CAMSAP1: variants seen among roughly 807,000 people sequenced by gnomAD.
The protein encoded by CAMSAP1 is calmodulin regulated spectrin associated protein 1.
In CAMSAP1, 58 loss-of-function variants were observed where a neutral mutation model predicts 143.5. The ratio of observed to expected loss-of-function variants is 0.40; its 90% CI spans 0.33 to 0.50. The LOEUF (loss-of-function observed/expected upper bound fraction) is 0.50. Among genes scored for constraint, CAMSAP1 ranks in the 20% least tolerant of loss-of-function variants. The probability of loss-of-function intolerance (pLI) is 0.45; values close to 1 mark genes in which losing one functional copy is unlikely to be tolerated. For missense variants in CAMSAP1, 1,969 were observed against 2,115.7 expected (o/e 0.93, Z 1.36); for synonymous variants, 945 against 859.3 (o/e 1.10, Z -1.74).
At chr9:135,843,359 T>C (rs370002419) in intron 7 of CAMSAP1, among the ~76,000 whole-genome samples, 7 of 151,928 alleles carry the variant, frequency 4.6e-5, no homozygotes, top group African/African-American at 1.7e-4. Context: ...AGACTGCAAA[T>C]TGGATAAAGA....
rs116346164 is a variant in CAMSAP1, at chr9:135,836,549, A to G, written c.1046-8965T>C. ...GCAGCCACACAGTCATGTACCTTCT[A>G]CCCCGTTCTACAGACACACATCACC... On this transcript the variant is annotated intron_variant, in intron 7 of 16. Transcript: ENST00000389532. The G allele has an allele frequency of 1.6e-3, 1,562 of 968,622 alleles. 18 individuals carry two copies. The African/African-American group carries it at 0.028, about 18-fold the overall frequency. 60.0% of individuals were successfully genotyped at this position (968,622 alleles called of 1,614,324 possible). A position where few individuals can be genotyped will look rare whatever the true frequency, so the allele number is the denominator to read the frequency against.
chr9:135,823,090 C>A lies in CAMSAP1; in HGVS notation c.1571G>T (p.Ser524Ile), dbSNP rs1221341360. Residue 524 changes from serine (S) to isoleucine (I), a missense_variant, in exon 11 of 17, where the codon AGC becomes ATC. Physicochemically the swap from Ser to Ile is moderately radical, Grantham distance 142. Coordinates refer to ENST00000389532, the MANE Select transcript of CAMSAP1 (RefSeq NM_015447.4). ...ATTGCTCAGGAGGCTCTTCCCGTGG[C>A]TCTTCGTGGCCGTGGGGTGTGGCTG... is the stretch of plus-strand genomic sequence containing the variant. ...QNQPHPTATK[S>I]HGKSLLSNVS... 6.2e-7 allele frequency: 1 copy of A among 1,614,048 alleles called. No homozygotes were observed. Among genetic ancestry groups the A allele is most frequent in the East Asian group, 2.2e-5 (1 of 44,876 alleles).
chr9:135,880,338 G>A (rs1321906141), intron 3 of CAMSAP1, among the ~76,000 whole-genome samples: 1 of 152,070 alleles, frequency 6.6e-6, no homozygotes, highest in African/African-American at 2.4e-5. Flanking sequence ...ACCAAGAGGC[G>A]TCCTCATGGG....
intron 1 of CAMSAP1, among the ~76,000 whole-genome samples, chr9:135,884,576 G>T (rs930256329): frequency 5.3e-5 from 8 of 152,226 alleles, no homozygotes; most frequent in Non-Finnish European, 7.3e-5. Context: ...AGGGCAGCCA[G>T]GGCTCCAGCT....
chr9:135,881,832 A>G (rs1338896412), intron 2 of CAMSAP1, 38 bp from the exon 3 acceptor site: 1 of 1,542,994 alleles, frequency 6.5e-7, no homozygotes, highest in Non-Finnish European at 8.8e-7. Flanking sequence ...CCTCAAACCC[A>G]CCCCTCTTAC....
intron 14 of CAMSAP1, among the ~76,000 whole-genome samples, chr9:135,817,244 C>A (rs1835262162): frequency 6.6e-6 from 1 of 152,202 alleles, no homozygotes. Context: ...TAACTGAGGA[C>A]AGCTGAATGG....
At position 135,817,953 on chromosome 9, in the gene CAMSAP1, C is replaced by G. The variant is rs772224784; in HGVS notation, c.4271+24G>C. 16 of 1,608,446 alleles carry G rather than the reference C, an allele frequency of 9.9e-6. No individual in the cohort carries two copies. The East Asian group carries it at 3.3e-4, about 34-fold the overall frequency. ...CTCCGAACGTCCTCCAGCCCCGTGCCGGCGGCCGTCTCAGGCCCCTTACCG... is the reference window on the plus strand; with the variant it reads ...CTCCGAACGTCCTCCAGCCCCGTGCGGGCGGCCGTCTCAGGCCCCTTACCG... On this transcript the variant is annotated intron_variant, in intron 14 of 16. Transcript: ENST00000389532.
At position 135,820,858 on chromosome 9, in the gene CAMSAP1, C is replaced by A. The variant is rs777078894; in HGVS notation, c.3803G>T (p.Gly1268Val). Residue 1268 changes from glycine to valine, a missense_variant, in exon 11 of 17, where the codon GGG (glycine) becomes GTG (valine). Physicochemically the swap from Gly to Val is moderately radical, Grantham distance 109. This residue lies in a region of CAMSAP1 where 1,390 missense variants were observed against 1,420.8 expected (regional missense o/e 0.98). Coordinates refer to ENST00000389532, the MANE Select transcript of CAMSAP1 (RefSeq NM_015447.4). This position sits in a 1 kb window ranked among gnomAD's most constrained non-coding sequence, Gnocchi z 4.4. ...CCTTACCTTGAAGAAGAAGCCGACC[C>A]CCGGCTTCTGGTCGCCTTCGCTGAC... is the stretch of plus-strand genomic sequence containing the variant. Reference protein sequence around the residue: ...DLVSEGDQKPGVGFFFKDEQK... With the variant: ...DLVSEGDQKPVVGFFFKDEQK... The A allele has an allele frequency of 6.2e-7, 1 of 1,613,270 alleles. No individual in the cohort carries two copies. The highest frequency in any genetic ancestry group is 1.1e-5 in the South Asian group (1 of 91,062).
intron 7 of CAMSAP1, among the ~76,000 whole-genome samples, chr9:135,829,028 C>T (rs1330085799): frequency 6.6e-6 from 1 of 152,234 alleles, no homozygotes; most frequent in African/African-American, 2.4e-5. Flanking sequence ...TTCATCACCA[C>T]TGCACCTGCC....
intron 5 of CAMSAP1, among the ~76,000 whole-genome samples, chr9:135,851,529 C>T (rs12004408): frequency 1.3e-5 from 2 of 152,212 alleles, no homozygotes; most frequent in East Asian, 1.9e-4. Context: ...ATAAAACAGC[C>T]GAAGTCATCT....
At position 135,883,152 on chromosome 9, in the gene CAMSAP1, A is replaced by C. The variant is rs561288362; in HGVS notation, c.161-74T>G. ...AGGAAGGAGTTCAAGGCTGCAGTGA[A>C]CTATGACTGTGCCACTGTACTCCAG... is the stretch of plus-strand genomic sequence containing the variant. On this transcript the variant is annotated intron_variant, in intron 1 of 16. Coordinates refer to ENST00000389532, the MANE Select transcript of CAMSAP1 (RefSeq NM_015447.4). 5.4e-6 allele frequency: 8 copies of C among 1,490,176 alleles called. No individual in the cohort carries two copies. In the East Asian group the frequency reaches 1.5e-4, roughly 28 times the overall value. 92.3% of individuals were successfully genotyped at this position (1,490,176 alleles called of 1,614,324 possible).
At chr9:135,904,716 C>A (rs1838718758) in intron 1 of CAMSAP1, among the ~76,000 whole-genome samples, 1 of 152,064 alleles carries the variant, frequency 6.6e-6, no homozygotes, top group South Asian at 2.1e-4. Context: ...CACCTGTAAT[C>A]CCAGCACTTT....
chr9:135,816,270 G>A (rs887272922), intron 14 of CAMSAP1, among the ~76,000 whole-genome samples: 4 of 152,308 alleles, frequency 2.6e-5, no homozygotes, highest in East Asian at 1.9e-4. Context: ...TCACCTCCAC[G>A]AAGCCCTTGC....
intron 4 of CAMSAP1, 29 bp from the exon 5 acceptor site, chr9:135,862,637 T>C (rs1391102825): frequency 6.4e-7 from 1 of 1,550,674 alleles, no homozygotes; most frequent in Non-Finnish European, 8.7e-7. Flanking sequence ...AAACGGTCTC[T>C]GCATGTGATG....
At chr9:135,873,979 T>C (rs1837650611) in intron 3 of CAMSAP1, among the ~76,000 whole-genome samples, 1 of 152,084 alleles carries the variant, frequency 6.6e-6, no homozygotes. Flanking sequence ...AACAATATAT[T>C]AGCAAATCGA....
In CAMSAP1 at chr9:135,881,690, A is replaced by G; in HGVS notation, c.528T>C (p.Ser176=). The part of the protein sequence containing the change: ...VASVKRFSTF[S]ASKELPYDLE... ...GGTCGTACGGAAGTTCTTTCGAGGC[A>G]CTGAACGTTGAGAAGCGCTTGACAC... The change falls in exon 3 of 17, where the codon AGT becomes AGC. Residue 176 remains serine, a synonymous_variant. Transcript: ENST00000389532. 6.4e-7 allele frequency: 1 copy of G among 1,551,798 alleles called. No homozygotes were observed. Among genetic ancestry groups the G allele is most frequent in the Non-Finnish European group, 8.7e-7 (1 of 1,147,016 alleles).
chr9:135,864,512 C>T (rs1837306383), intron 4 of CAMSAP1, among the ~76,000 whole-genome samples: 1 of 152,066 alleles, frequency 6.6e-6, no homozygotes, highest in South Asian at 2.1e-4. Flanking sequence ...AGGACACAGG[C>T]AGTTAATGGA....
Position 135,836,954 on chromosome 9 carries a change from CCACA to C in CAMSAP1, c.1046-9374_1046-9371del, listed in dbSNP as rs58020636. 9 of 981,750 alleles carry C rather than the reference CCACA, an allele frequency of 9.2e-6. No homozygotes were observed. The Admixed American group carries it at 3.1e-4, about 34-fold the overall frequency. 60.8% of individuals were successfully genotyped at this position (981,750 alleles called of 1,614,324 possible). Reference sequence around the variant, plus strand: ...CTACCCGTTCTACAGACACACGTCACCACACACTTTCTACCCATTCTACAGACAC... The same window carrying C: ...CTACCCGTTCTACAGACACACGTCACCACTTTCTACCCATTCTACAGACAC... On this transcript the variant is annotated intron_variant, in intron 7 of 16. Coordinates refer to ENST00000389532, the MANE Select transcript of CAMSAP1 (RefSeq NM_015447.4).
chr9:135,877,657 T>C (rs1837799805), intron 3 of CAMSAP1, among the ~76,000 whole-genome samples: 1 of 151,862 alleles, frequency 6.6e-6, no homozygotes, highest in South Asian at 2.1e-4. Flanking sequence ...AAAAAATTTT[T>C]TTTAATCAGC....
Sources: allele counts gnomAD v4.1 joint callset (sites outside exome capture counted in the v4.1 genomes callset), GRCh38; gene constraint gnomAD v4.1.1; regional missense constraint gnomAD v4.1.1; non-coding constraint Gnocchi (gnomAD v3.1); transcripts MANE v1.5; gene names NCBI Gene and HGNC (gene_info 2026-07-23, HGNC 2026-07-21).